The following NOS1AP variants were observed in gnomAD, a reference collection of about 807,000 sequenced individuals.
NOS1AP encodes the protein nitric oxide synthase 1 adaptor protein.
NOS1AP carries 21 observed loss-of-function variants against 56.2 expected under a neutral mutation model. That is an observed-to-expected ratio of 0.37 (90% CI 0.26 to 0.54). The LOEUF is 0.54. Ranked by LOEUF, NOS1AP falls within the 20% of genes least tolerant of loss-of-function variation. The pLI is 0.84. For missense variants in NOS1AP, 522 were observed against 657.8 expected, an observed-to-expected ratio of 0.79 and a Z score of 2.26; for synonymous variants, 270 against 274.6, an observed-to-expected ratio of 0.98 and a Z score of 0.17.
rs564783838 is a variant in NOS1AP at position 162,367,384 on chromosome 1, T to C, written c.1438T>C (p.Ser480Pro). 3.1e-6 allele frequency: 5 copies of C among 1,607,994 alleles called. No individual in the cohort carries two copies. The East Asian group carries it at 1.1e-4, about 36-fold the overall frequency. The change falls in exon 10 of 10, where the codon TCC (serine) becomes CCC (proline). Residue 480 changes from serine to proline, a missense_variant. By Grantham distance (74) the Ser-to-Pro change is moderately conservative (BLOSUM62 -1). This residue lies in a region of NOS1AP where 160 missense variants were observed against 180.3 expected (regional missense o/e 0.89). Coordinates refer to ENST00000361897, the MANE Select transcript of NOS1AP (RefSeq NM_014697.3). The surrounding 1 kb of genome is among the most constrained non-coding windows in gnomAD (Gnocchi z 6.5). ...TDESEERDSW[S>P]QEELPRLLNV... Reference sequence around the variant, plus strand: ...CGAGAGCGAGGAGCGCGACTCGTGGTCCCAGGAGGAGCTGCCGCGCCTGCT... The same window carrying C: ...CGAGAGCGAGGAGCGCGACTCGTGGCCCCAGGAGGAGCTGCCGCGCCTGCT...
intron 8 of NOS1AP, among the ~76,000 whole-genome samples, chr1:162,361,287 A>G (rs569591267): frequency 1.3e-5 from 2 of 150,490 alleles, no homozygotes; most frequent in Admixed American, 6.6e-5. Flanking sequence ...CAAAAAAAAA[A>G]TCCCATCTGG....
chr1:162,237,413 A>C (rs930583493), intron 2 of NOS1AP, among the ~76,000 whole-genome samples: 1 of 152,112 alleles, frequency 6.6e-6, no homozygotes, highest in South Asian at 2.1e-4. Flanking sequence ...TCAGTCAGCC[A>C]CTCACTCTCA....
At chr1:162,288,495 T>C (rs1411965877) in intron 3 of NOS1AP, among the ~76,000 whole-genome samples, 4 of 152,188 alleles carry the variant, frequency 2.6e-5, no homozygotes, top group Non-Finnish European at 5.9e-5. Context: ...GAGAGAGATC[T>C]TAAAGGGGAC....
At chr1:162,319,047 G>C (rs544999202) in intron 4 of NOS1AP, among the ~76,000 whole-genome samples, 1 of 152,298 alleles carries the variant, frequency 6.6e-6, no homozygotes, top group South Asian at 2.1e-4. Context: ...CTCAGGGTTG[G>C]TTTGTCTGGC....
At chr1:162,221,337 TTCTA>T (rs1371238838) in intron 2 of NOS1AP, among the ~76,000 whole-genome samples, 4 of 152,182 alleles carry the variant, frequency 2.6e-5, no homozygotes, top group African/African-American at 4.8e-5. Context: ...CTGATTTTCT[TTCTA>T]TCTTTCTTTC....
In NOS1AP at chr1:162,245,049, G is replaced by A. The variant is rs1653615631; in HGVS notation, c.178-42295G>A. ...AGATTGTGTGCTACCATGTAGAGGA[G>A]GAGGGGACAAGGATAGGGCGAGGAA... On this transcript the variant is annotated intron_variant, in intron 2 of 9. Transcript: ENST00000361897. 2.0e-5 allele frequency among the ~76,000 whole-genome samples: 3 copies of A among 152,164 alleles called. 1 individual carries two copies. The highest frequency in any genetic ancestry group is 2.0e-4 in the Admixed American group (3 of 15,270).
rs375444211 is a variant in NOS1AP, at chr1:162,356,380, T to C, written c.763-580T>C. On this transcript the variant is annotated intron_variant, in intron 7 of 9. Transcript: ENST00000361897. ...GAGGATCTCTCCAGATCATTATATATTTTAGGATCCAAACTTCTTTGCCGA... is the reference window on the plus strand; with the variant it reads ...GAGGATCTCTCCAGATCATTATATACTTTAGGATCCAAACTTCTTTGCCGA... Among the ~76,000 whole-genome samples the C allele has an allele frequency of 4.6e-5, 7 of 152,322 alleles. No individual in the cohort carries two copies. The South Asian group carries it at 8.3e-4, about 18-fold the overall frequency.
intron 1 of NOS1AP, among the ~76,000 whole-genome samples, chr1:162,113,468 A>G (rs1258809762): frequency 6.6e-6 from 1 of 152,170 alleles, no homozygotes; most frequent in Admixed American, 6.5e-5. Flanking sequence ...GAGACTGGGT[A>G]GTTTATAAAG....
At chr1:162,178,683 G>A (rs1056299006) in intron 2 of NOS1AP, among the ~76,000 whole-genome samples, 1 of 152,186 alleles carries the variant, frequency 6.6e-6, no homozygotes, top group Non-Finnish European at 1.5e-5. Flanking sequence ...CATCCACCCA[G>A]CTAGAAAGGG....
intron 6 of NOS1AP, among the ~76,000 whole-genome samples, chr1:162,350,216 G>A (rs2661814): frequency 0.95 from 145,352 of 152,306 alleles, 69,751 homozygotes; most frequent in Middle Eastern, 1. Context: ...CAGGCCCTCC[G>A]TTGTGCAGAA....
intron 2 of NOS1AP, among the ~76,000 whole-genome samples, chr1:162,282,789 A>G (rs1654971272): frequency 6.6e-6 from 1 of 152,230 alleles, no homozygotes. Flanking sequence ...TAGGTAGTGA[A>G]CACAGTCAAG....
chr1:162,086,066 G>A (rs569757079), intron 1 of NOS1AP, among the ~76,000 whole-genome samples: 9 of 152,130 alleles, frequency 5.9e-5, no homozygotes, highest in South Asian at 2.1e-4. Flanking sequence ...CTGTTCCACT[G>A]AGCTTTCTGT....
chr1:162,177,873 A>C (rs1009381430), intron 2 of NOS1AP, among the ~76,000 whole-genome samples: 1 of 152,178 alleles, frequency 6.6e-6, no homozygotes, highest in Non-Finnish European at 1.5e-5. Flanking sequence ...CATAATTGAC[A>C]TGAGGGTTCA....
At chr1:162,096,453 C>T (rs941213351) in intron 1 of NOS1AP, among the ~76,000 whole-genome samples, 5 of 151,920 alleles carry the variant, frequency 3.3e-5, no homozygotes, top group East Asian at 1.9e-4. Flanking sequence ...CAAAAATATA[C>T]GTAATATAAA....
intron 5 of NOS1AP, among the ~76,000 whole-genome samples, chr1:162,342,858 C>T (rs1232510182): frequency 2.6e-5 from 4 of 152,142 alleles, no homozygotes; most frequent in African/African-American, 7.2e-5. Flanking sequence ...TATAGGGTGA[C>T]AATCACAATT....
chr1:162,250,817 T>G (rs1213417350), intron 2 of NOS1AP, among the ~76,000 whole-genome samples: 1 of 152,182 alleles, frequency 6.6e-6, no homozygotes, highest in Non-Finnish European at 1.5e-5. Flanking sequence ...TCTTCCTCCC[T>G]CTTATCCCTT....
At chr1:162,089,327 C>T (rs1310495178) in intron 1 of NOS1AP, among the ~76,000 whole-genome samples, 2 of 152,150 alleles carry the variant, frequency 1.3e-5, no homozygotes, top group East Asian at 3.8e-4. Flanking sequence ...TCCAATATTC[C>T]ATAATTACTC....
chr1:162,273,010 A>G (rs1354638304), intron 2 of NOS1AP, among the ~76,000 whole-genome samples: 1 of 151,990 alleles, frequency 6.6e-6, no homozygotes, highest in Non-Finnish European at 1.5e-5. Context: ...ATGGGTGTCC[A>G]TTGCCCTAGC....
At chr1:162,091,937 A>G (rs1340054738) in intron 1 of NOS1AP, among the ~76,000 whole-genome samples, 1 of 152,162 alleles carries the variant, frequency 6.6e-6, no homozygotes, top group African/African-American at 2.4e-5. Flanking sequence ...GAAGAATCAA[A>G]TATAGAATCA....
Sources: allele counts gnomAD v4.1 joint callset (sites outside exome capture counted in the v4.1 genomes callset), GRCh38; gene constraint gnomAD v4.1.1; regional missense constraint gnomAD v4.1.1; non-coding constraint Gnocchi (gnomAD v3.1); transcripts MANE v1.5; gene names NCBI Gene and HGNC (gene_info 2026-07-23, HGNC 2026-07-21).